Variants in OLFM1 observed in about 807,000 individuals in gnomAD.
The protein encoded by OLFM1 is noelin.
A neutral mutation model predicts 49.7 loss-of-function variants in OLFM1; 9 were observed. The observed-to-expected ratio is 0.18, with a 90% CI of 0.11 to 0.32. OLFM1 has a LOEUF of 0.32. OLFM1 is among the 10% of genes least tolerant of loss of function. The probability of loss-of-function intolerance (pLI) is 1.00; values close to 1 mark genes in which losing one functional copy is unlikely to be tolerated. For missense variants in OLFM1, 369 were observed against 661.8 expected, an observed-to-expected ratio of 0.56 and a Z score of 4.85; for synonymous variants, 240 against 271.8, an observed-to-expected ratio of 0.88 and a Z score of 1.15.
At chr9:135,108,063 G>A (rs565158327) in intron 5 of OLFM1, among the ~76,000 whole-genome samples, 8 of 152,252 alleles carry the variant, frequency 5.3e-5, no homozygotes, top group South Asian at 4.1e-4. Context: ...AGTGGCCCCC[G>A]CCCCCATCTG....
chr9:135,089,694 T>A (rs536119396), intron 1 of OLFM1, among the ~76,000 whole-genome samples: 1 of 152,274 alleles, frequency 6.6e-6, no homozygotes, highest in South Asian at 2.1e-4. Flanking sequence ...TCTGGGGCTG[T>A]TACAGTGGGT....
intron 5 of OLFM1, 89 bp from the exon 6 acceptor site, chr9:135,119,415 T>C (rs1831154865): frequency 9.0e-7 from 1 of 1,107,312 alleles, no homozygotes; most frequent in Non-Finnish European, 1.3e-6. Flanking sequence ...TTTGGAGTAC[T>C]CACTGGATCT....
At chr9:135,087,504 C>A, upstream of OLFM1, 1 of 1,426,954 alleles carries the variant, frequency 7.0e-7, no homozygotes, top group Non-Finnish European at 9.3e-7. Flanking sequence ...ATCCCAACTC[C>A]TGGGCGGACT....
chr9:135,114,267 C>T (rs920620551), intron 5 of OLFM1, among the ~76,000 whole-genome samples: 3 of 151,122 alleles, frequency 2.0e-5, no homozygotes, highest in Admixed American at 6.6e-5. Context: ...ATTACAGGCA[C>T]GTGCCACCAT....
At chr9:135,102,751 G>A (rs1292233369) in intron 4 of OLFM1, among the ~76,000 whole-genome samples, 1 of 152,218 alleles carries the variant, frequency 6.6e-6, no homozygotes, top group African/African-American at 2.4e-5. Flanking sequence ...CCGGATTGCA[G>A]GAGGTAAAAG....
At chr9:135,087,182 C>T, upstream of OLFM1, 1 of 1,382,428 alleles carries the variant, frequency 7.2e-7, no homozygotes, top group East Asian at 2.8e-5. Flanking sequence ...GCTGGAGGCC[C>T]TCGCGAGTCT....
rs1830636650 is a variant in OLFM1 at position 135,088,678 on chromosome 9, A to G, written c.150+539A>G. On this transcript the variant is annotated intron_variant, in intron 1 of 5. Coordinates refer to ENST00000371793, the MANE Select transcript of OLFM1 (RefSeq NM_001282611.2). This position sits in a 1 kb window ranked among gnomAD's most constrained non-coding sequence, Gnocchi z 4.8. ...CTCCGGAGCTCCTGCCCGCGCCTGCATTCCCAAAGTCCCAAGGCGCCCTTT... is the reference window on the plus strand; with the variant it reads ...CTCCGGAGCTCCTGCCCGCGCCTGCGTTCCCAAAGTCCCAAGGCGCCCTTT... 6.6e-6 allele frequency among the ~76,000 whole-genome samples: 1 copy of G among 152,046 alleles called. No homozygotes were observed. The highest frequency in any genetic ancestry group is 2.4e-5 in the African/African-American group (1 of 41,416).
At chr9:135,103,984 C>G (rs570138586) in intron 4 of OLFM1, among the ~76,000 whole-genome samples, 19 of 152,336 alleles carry the variant, frequency 1.2e-4, no homozygotes, top group Admixed American at 1.1e-3. Flanking sequence ...CTTTTCTGAG[C>G]AATGAGTCAT....
chr9:135,079,076 T>C (rs1313828676), intron 1 of OLFM1, among the ~76,000 whole-genome samples: 2 of 152,234 alleles, frequency 1.3e-5, no homozygotes, highest in African/African-American at 4.8e-5. Flanking sequence ...CGGTCAATTC[T>C]GGGCTTACAA....
chr9:135,103,979 C>T (rs1830904680), intron 4 of OLFM1, among the ~76,000 whole-genome samples: 1 of 152,216 alleles, frequency 6.6e-6, no homozygotes, highest in Admixed American at 6.5e-5. Context: ...GGAGGCTTTT[C>T]TGAGCAATGA....
At chr9:135,100,965 T>TA (rs539762296) in intron 4 of OLFM1, among the ~76,000 whole-genome samples, 668 of 152,178 alleles carry the variant, frequency 4.4e-3, no homozygotes, top group African/African-American at 0.016. Context: ...GACACATAGA[T>TA]AGAGTTAGCA....
intron 5 of OLFM1, among the ~76,000 whole-genome samples, chr9:135,116,043 A>C (rs1346167037): frequency 6.6e-6 from 1 of 152,126 alleles, no homozygotes. Flanking sequence ...CCGGTACTGT[A>C]TTTGGGGCCG....
At position 135,080,832 on chromosome 9, in the gene OLFM1, T is replaced by C. The variant is rs533385547; in HGVS notation, c.96+5030T>C. Among the ~76,000 whole-genome samples, 157 of 152,170 alleles carry C rather than the reference T, an allele frequency of 1.0e-3. No homozygotes were observed. Among genetic ancestry groups the C allele is most frequent in the African/African-American group, 3.6e-3 (151 of 41,518 alleles). Reference sequence around the variant, plus strand: ...TCTGAAAGATTCGTCCTGGACACCCTGCACGCTCGGAAACCTCAGCGCTGT... The same window carrying C: ...TCTGAAAGATTCGTCCTGGACACCCCGCACGCTCGGAAACCTCAGCGCTGT... On this transcript the variant is annotated intron_variant, in intron 1 of 5. Transcript: ENST00000252854. This position sits in a 1 kb window ranked among gnomAD's most constrained non-coding sequence, Gnocchi z 4.5.
chr9:135,091,645 TCA>T lies in OLFM1; in HGVS notation c.300+1304_300+1305del, dbSNP rs747119783. ...CACACACTCACATAGTCACACACACTCACATAGTCACACACACACAGTCACAC... is the reference window on the plus strand; with the variant it reads ...CACACACTCACATAGTCACACACACTCATAGTCACACACACACAGTCACAC... On this transcript the variant is annotated intron_variant, in intron 2 of 5. Transcript: ENST00000371793. 7.5e-4 allele frequency among the ~76,000 whole-genome samples: 4 copies of T among 5,322 alleles called. 1 individual carries two copies. The highest frequency in any genetic ancestry group is 0.011 in the South Asian group (2 of 190). 3.5% of individuals were successfully genotyped at this position (5,322 alleles called of 152,430 possible).
chr9:135,099,746 A>G (rs1830845724), intron 4 of OLFM1, among the ~76,000 whole-genome samples: 1 of 152,198 alleles, frequency 6.6e-6, no homozygotes, highest in African/African-American at 2.4e-5. Flanking sequence ...GCATTCTTTC[A>G]GCTCTGTGCT....
exon 1 of OLFM1, chr9:135,075,773 C>T (rs1488718110): frequency 1.2e-6 from 2 of 1,607,522 alleles, no homozygotes; most frequent in Non-Finnish European, 1.7e-6. Context: ...CCTCCTCTTC[C>T]TCATCCTGAT....
At chr9:135,086,465 C>T (rs1830597816), upstream of OLFM1, 1 of 375,496 alleles carries the variant, frequency 2.7e-6, no homozygotes, top group Admixed American at 3.2e-5. Flanking sequence ...CAGGCGGGCG[C>T]CAGGGAGGCG....
chr9:135,092,755 T>C (rs556899174), intron 2 of OLFM1, among the ~76,000 whole-genome samples: 4 of 152,298 alleles, frequency 2.6e-5, no homozygotes, highest in African/African-American at 9.6e-5. Context: ...GCCACAGCAT[T>C]ACTGCTTAAA....
chr9:135,095,666 A>G (rs1485167468), intron 2 of OLFM1, among the ~76,000 whole-genome samples, 198 bp from the exon 3 acceptor site: 2 of 152,032 alleles, frequency 1.3e-5, no homozygotes, highest in African/African-American at 4.8e-5. Flanking sequence ...TGTTTACCCA[A>G]CCAATTTGCT....
Sources: gnomAD v4.1 joint callset for allele counts (sites outside exome capture counted in the v4.1 genomes callset) on GRCh38, gnomAD v4.1.1 for gene constraint, Gnocchi (gnomAD v3.1) non-coding constraint, MANE v1.5 for transcripts, NCBI Gene and HGNC (gene_info 2026-07-23, HGNC 2026-07-21) for gene names.